LRTM3: variants seen among roughly 807,000 people sequenced by gnomAD.
LRTM3 encodes the protein leucine-rich repeat transmembrane protein 3.
chr13:102,730,330 T>C, the LRTM3 span: 2 of 1,551,178 alleles, frequency 1.3e-6, no homozygotes, highest in African/African-American at 2.7e-5. Flanking sequence ...CACTCTCACT[T>C]ACTTCAAGAC....
the LRTM3 span, chr13:102,746,118 T>G: frequency 6.4e-7 from 1 of 1,551,120 alleles, no homozygotes; most frequent in Non-Finnish European, 8.7e-7. Flanking sequence ...TGGAGACTAG[T>G]CTCTAAAGTA....
chr13:102,742,181 T>C, the LRTM3 span: 3 of 1,550,580 alleles, frequency 1.9e-6, no homozygotes, highest in South Asian at 2.4e-5. Context: ...TTTACTCAGC[T>C]GGAATGACTT....
the LRTM3 span, chr13:102,729,835 G>T: frequency 6.4e-7 from 1 of 1,551,822 alleles, no homozygotes; most frequent in South Asian, 1.2e-5. Flanking sequence ...AATGACTGCT[G>T]TTCTTCCTAA....
At chr13:102,730,145 G>T in the LRTM3 span, 297 of 1,549,754 alleles carry the variant, frequency 1.9e-4, no homozygotes, top group Non-Finnish European at 2.4e-4. Flanking sequence ...AATAATTAAG[G>T]TTTCCTTTCT....
At chr13:102,756,418 A>G in the LRTM3 span, among the ~76,000 whole-genome samples, 7 of 151,460 alleles carry the variant, frequency 4.6e-5, no homozygotes, top group Admixed American at 4.6e-4. Context: ...CACGACTGTA[A>G]TCCCAGCACT....
At chr13:102,739,695 C>T in the LRTM3 span, 2 of 1,550,098 alleles carry the variant, frequency 1.3e-6, no homozygotes, top group Admixed American at 2.0e-5. Flanking sequence ...ATATCCATTG[C>T]TTTTACTCTA....
the LRTM3 span, chr13:102,744,828 G>A: frequency 6.5e-7 from 1 of 1,550,116 alleles, no homozygotes; most frequent in Non-Finnish European, 8.7e-7. Flanking sequence ...TCCCCACCAT[G>A]TGGTGATTTC....
chr13:102,740,035 T>C, the LRTM3 span: 1 of 1,550,350 alleles, frequency 6.5e-7, no homozygotes, highest in East Asian at 2.4e-5. Flanking sequence ...CCTTCTGTCC[T>C]TTACTTTCTT....
chr13:102,755,878 T>C, the LRTM3 span, among the ~76,000 whole-genome samples: 1 of 147,544 alleles, frequency 6.8e-6, no homozygotes, highest in Non-Finnish European at 1.5e-5. Flanking sequence ...AAAAAGTTTA[T>C]ATATATATGT....
the LRTM3 span, chr13:102,747,377 C>A: frequency 1.9e-6 from 3 of 1,550,184 alleles, no homozygotes; most frequent in Non-Finnish European, 2.6e-6. Flanking sequence ...TGAAGTACCA[C>A]ATATATTAAT....
At chr13:102,732,209 A>G in the LRTM3 span, 2 of 1,551,172 alleles carry the variant, frequency 1.3e-6, no homozygotes, top group Admixed American at 2.0e-5. Flanking sequence ...TTCTCTTTCT[A>G]GGTTTGTCTT....
At chr13:102,747,521 T>C in the LRTM3 span, 1 of 1,550,972 alleles carries the variant, frequency 6.4e-7, no homozygotes, top group East Asian at 2.4e-5. Context: ...CAAGTGGTTA[T>C]TGAAAGACCC....
chr13:102,750,731 AAAAG>A, the LRTM3 span, among the ~76,000 whole-genome samples: 2 of 152,210 alleles, frequency 1.3e-5, no homozygotes, highest in African/African-American at 4.8e-5. Flanking sequence ...AGTTTTCACT[AAAAG>A]AAAACATTCT....
At chr13:102,735,622 C>T in the LRTM3 span, 1 of 1,551,020 alleles carries the variant, frequency 6.4e-7, no homozygotes, top group South Asian at 1.2e-5. Flanking sequence ...ATTTGGGGAG[C>T]ATTTTGTCTT....
chr13:102,745,592 A>G, the LRTM3 span: 5 of 1,550,924 alleles, frequency 3.2e-6, no homozygotes, highest in Admixed American at 9.8e-5. Context: ...GGGATTCACT[A>G]AAGTTTTCAT....
chr13:102,736,886 G>A, the LRTM3 span: 1 of 1,551,116 alleles, frequency 6.4e-7, no homozygotes, highest in Non-Finnish European at 8.7e-7. Context: ...TGTATCTGAT[G>A]ATTCCATGTG....
At chr13:102,744,079 G>A in the LRTM3 span, 1 of 1,550,424 alleles carries the variant, frequency 6.4e-7, no homozygotes, top group East Asian at 2.4e-5. Flanking sequence ...CAGTGGCACT[G>A]AGTAATGCCT....
chr13:102,744,788 T>C, the LRTM3 span: 1 of 1,550,698 alleles, frequency 6.4e-7, no homozygotes, highest in Non-Finnish European at 8.7e-7. Context: ...AGATCCACTT[T>C]CCATGTCAGT....
the LRTM3 span, chr13:102,748,202 T>C: frequency 6.4e-7 from 1 of 1,551,214 alleles, no homozygotes; most frequent in Non-Finnish European, 8.7e-7. Flanking sequence ...TTTATCTTGA[T>C]GCATATTTGT....
Sources: gnomAD v4.1 joint callset for allele counts (sites outside exome capture counted in the v4.1 genomes callset) on GRCh38, gnomAD v4.1.1 for gene constraint, MANE v1.5 for transcripts, NCBI Gene and HGNC (gene_info 2026-07-23, HGNC 2026-07-21) for gene names.